The following ARL15 variants were observed in gnomAD, a reference collection of about 807,000 sequenced individuals.
ARL15 encodes ADP-ribosylation factor-like protein 15.
A neutral mutation model predicts 25.2 loss-of-function variants in ARL15; 19 were observed. The observed-to-expected ratio is 0.75, with a 90% CI of 0.53 to 1.10. The LOEUF (loss-of-function observed/expected upper bound fraction) is 1.10. Ranked by LOEUF, ARL15 falls within the 50% of genes least tolerant of loss-of-function variation. ARL15 has a pLI of 0.00. For missense variants in ARL15, 220 were observed against 246.0 expected, an observed-to-expected ratio of 0.89 and a Z score of 0.71; for synonymous variants, 94 against 86.8, an observed-to-expected ratio of 1.08 and a Z score of -0.46.
chr5:54,109,960 A>G (rs1730866189), intron 4 of ARL15, among the ~76,000 whole-genome samples: 1 of 151,960 alleles, frequency 6.6e-6, no homozygotes, highest in Non-Finnish European at 1.5e-5. Context: ...TTGTTTAAAA[A>G]TACATGTTTT....
intron 4 of ARL15, among the ~76,000 whole-genome samples, chr5:53,913,893 G>T (rs936141375): frequency 6.6e-6 from 1 of 152,036 alleles, no homozygotes; most frequent in Admixed American, 6.6e-5. Context: ...ACGCTATCTT[G>T]AAGTACAATT....
intron 1 of ARL15, among the ~76,000 whole-genome samples, chr5:54,209,027 A>G (rs1204159421): frequency 6.6e-6 from 1 of 152,236 alleles, no homozygotes; most frequent in Admixed American, 6.5e-5. Flanking sequence ...AAATAGGACA[A>G]TGACTAACTC....
chr5:54,250,269 AC>A (rs1049179271), intron 1 of ARL15, among the ~76,000 whole-genome samples: 1 of 151,710 alleles, frequency 6.6e-6, no homozygotes, highest in African/African-American at 2.4e-5. Flanking sequence ...TAAGAAATCC[AC>A]CCCCACAATC....
At chr5:54,027,365 T>G (rs1749813963) in intron 4 of ARL15, among the ~76,000 whole-genome samples, 1 of 152,260 alleles carries the variant, frequency 6.6e-6, no homozygotes, top group Non-Finnish European at 1.5e-5. Flanking sequence ...AATGGTGAGA[T>G]TCCTCTCTTT....
chr5:54,000,897 A>T (rs891163909), intron 4 of ARL15, among the ~76,000 whole-genome samples: 1 of 152,152 alleles, frequency 6.6e-6, no homozygotes, highest in African/African-American at 2.4e-5. Flanking sequence ...TGTGTGAGCC[A>T]CTGTGCAGTC....
intron 4 of ARL15, among the ~76,000 whole-genome samples, chr5:53,909,598 C>A (rs758906324): frequency 2.0e-5 from 3 of 152,162 alleles, no homozygotes; most frequent in Non-Finnish European, 4.4e-5. Context: ...GCCAGCTACT[C>A]AAGAGGCTGA....
At chr5:54,011,327 C>T (rs1749236466) in intron 4 of ARL15, among the ~76,000 whole-genome samples, 1 of 152,134 alleles carries the variant, frequency 6.6e-6, no homozygotes, top group Non-Finnish European at 1.5e-5. Flanking sequence ...AGTTGTATTA[C>T]ACAGAACTTC....
chr5:53,943,107 A>G (rs1469880418), intron 4 of ARL15, among the ~76,000 whole-genome samples: 1 of 152,066 alleles, frequency 6.6e-6, no homozygotes, highest in Non-Finnish European at 1.5e-5. Flanking sequence ...AGGGCTGGTC[A>G]GTGGGGAGTG....
chr5:54,087,534 T>TGC (rs1752006423), intron 4 of ARL15, among the ~76,000 whole-genome samples: 1 of 152,056 alleles, frequency 6.6e-6, no homozygotes, highest in Non-Finnish European at 1.5e-5. Context: ...GCACCTCTGG[T>TGC]TTGGATAGCT....
intron 1 of ARL15, among the ~76,000 whole-genome samples, chr5:54,193,191 G>A (rs1199692214): frequency 2.0e-5 from 3 of 152,068 alleles, no homozygotes; most frequent in African/African-American, 7.2e-5. Context: ...AAAGAAACTT[G>A]TTCCTTCTTT....
At chr5:54,165,638 T>C (rs955336343) in intron 2 of ARL15, among the ~76,000 whole-genome samples, 1 of 151,426 alleles carries the variant, frequency 6.6e-6, no homozygotes, top group African/African-American at 2.4e-5. Context: ...TTTGTACTAC[T>C]TTGTTCTCAA....
chr5:53,940,107 TAGC>T (rs1401244908), intron 4 of ARL15, among the ~76,000 whole-genome samples: 1 of 151,452 alleles, frequency 6.6e-6, no homozygotes. Flanking sequence ...GCCTCCCGAG[TAGC>T]TGGGACTACA....
chr5:54,029,204 T>C (rs1749883061), intron 4 of ARL15, among the ~76,000 whole-genome samples: 1 of 152,088 alleles, frequency 6.6e-6, no homozygotes, highest in African/African-American at 2.4e-5. Flanking sequence ...AAAATGGGGA[T>C]GATTACAGTA....
chr5:53,907,483 T>C (rs1213833491), intron 4 of ARL15, among the ~76,000 whole-genome samples: 1 of 34,046 alleles, frequency 2.9e-5, no homozygotes, highest in African/African-American at 1.4e-4. Context: ...TATATATATA[T>C]ATATATTTTT....
chr5:53,953,344 G>C (rs2112124155), intron 4 of ARL15, among the ~76,000 whole-genome samples: 1 of 151,942 alleles, frequency 6.6e-6, no homozygotes, highest in Middle Eastern at 3.4e-3. Context: ...AAATGTGAGG[G>C]GTTATTGTTA....
At chr5:54,088,780 G>C (rs1752051637) in intron 4 of ARL15, among the ~76,000 whole-genome samples, 1 of 152,150 alleles carries the variant, frequency 6.6e-6, no homozygotes, top group South Asian at 2.1e-4. Flanking sequence ...TTCTACTTAA[G>C]TAGCTCTCTT....
intron 3 of ARL15, among the ~76,000 whole-genome samples, chr5:54,132,368 C>T (rs1239853508): frequency 6.6e-6 from 1 of 152,006 alleles, no homozygotes; most frequent in African/African-American, 2.4e-5. Context: ...GTTTAAGACA[C>T]TACCAGTCAA....
At chr5:53,905,919 G>A (rs1400748112) in intron 4 of ARL15, among the ~76,000 whole-genome samples, 1 of 152,072 alleles carries the variant, frequency 6.6e-6, no homozygotes, top group East Asian at 1.9e-4. Context: ...TTTAGCATAA[G>A]GACACTTATA....
rs372553788 is a variant in ARL15 at position 54,155,529 on chromosome 5, A to T, written c.194-890T>A. Among the ~76,000 whole-genome samples the T allele has an allele frequency of 2.0e-5, 3 of 152,354 alleles. No homozygotes were observed. In the East Asian group the frequency reaches 5.8e-4, roughly 29 times the overall value. ...ATAATTATCCACTTATGCATAGGCAATCATTTTATAATACATGTAATACAA... is the reference window on the plus strand; with the variant it reads ...ATAATTATCCACTTATGCATAGGCATTCATTTTATAATACATGTAATACAA... On this transcript the variant is annotated intron_variant, in intron 2 of 4. Coordinates refer to ENST00000504924, the MANE Select transcript of ARL15 (RefSeq NM_019087.3).
Sources: allele counts gnomAD v4.1 joint callset (sites outside exome capture counted in the v4.1 genomes callset), GRCh38; gene constraint gnomAD v4.1.1; transcripts MANE v1.5; gene names NCBI Gene and HGNC (gene_info 2026-07-23, HGNC 2026-07-21).